The following FAAH2 variants were observed in gnomAD, a reference collection of about 807,000 sequenced individuals.
FAAH2 encodes fatty acid amide hydrolase 2.
Under a neutral mutation model 36.9 loss-of-function variants are expected in FAAH2, and 60 were observed. That is an observed-to-expected ratio of 1.63 (90% confidence interval 1.32 to 2.02). The LOEUF (loss-of-function observed/expected upper bound fraction) is 2.02, where lower values mean the gene tolerates loss of function less well. FAAH2 is among the 30% of genes most tolerant of loss of function. The pLI, the probability that FAAH2 is intolerant of heterozygous loss-of-function variation, is 0.00. For missense variants in FAAH2, 689 were observed against 397.5 expected, an observed-to-expected ratio of 1.73 and a Z score of -6.23; for synonymous variants, 214 against 143.8, an observed-to-expected ratio of 1.49 and a Z score of -3.49.
chrX:57,121,609 C>A, the FAAH2 span: 1 of 112,687 alleles, frequency 8.9e-6, no homozygotes, highest in Non-Finnish European at 1.9e-5. Context: ...GTCAAACACC[C>A]GGCTCTCCTC....
the FAAH2 span, among the ~76,000 whole-genome samples, chrX:57,254,205 A>T: frequency 8.9e-6 from 1 of 111,964 alleles, no homozygotes; most frequent in Non-Finnish European, 1.9e-5. Flanking sequence ...AAAGGGATCA[A>T]TTCAACAAGA....
chrX:57,164,205 A>G, the FAAH2 span, among the ~76,000 whole-genome samples: 1 of 112,353 alleles, frequency 8.9e-6, no homozygotes, highest in African/African-American at 3.2e-5. Flanking sequence ...TTAGGGACAT[A>G]CTGTGGGTAC....
At chrX:57,467,997 T>C (rs186110323) in intron 10 of FAAH2, among the ~76,000 whole-genome samples, 47 of 111,150 alleles carry the variant, frequency 4.2e-4, no homozygotes, top group African/African-American at 1.5e-3. Flanking sequence ...GGGTCTGGAG[T>C]GGACCTCCAG....
chrX:57,203,364 C>T, the FAAH2 span, among the ~76,000 whole-genome samples: 1 of 112,194 alleles, frequency 8.9e-6, no homozygotes, highest in East Asian at 2.8e-4. Context: ...AAGCAGTTTT[C>T]TGCCCTGGGT....
intron 2 of FAAH2, among the ~76,000 whole-genome samples, chrX:57,307,565 A>T (rs1178343270): frequency 8.9e-6 from 1 of 111,796 alleles, no homozygotes; most frequent in African/African-American, 3.2e-5. Context: ...ATTAATTTTC[A>T]TAGTACATAT....
chrX:57,157,096 C>T, the FAAH2 span, among the ~76,000 whole-genome samples: 1 of 111,825 alleles, frequency 8.9e-6, no homozygotes, highest in African/African-American at 3.3e-5. Flanking sequence ...CTTTATTTTA[C>T]TGTGGCTGAG....
At chrX:57,410,058 T>G (rs1259324315) in intron 7 of FAAH2, among the ~76,000 whole-genome samples, 1 of 111,227 alleles carries the variant, frequency 9.0e-6, no homozygotes, top group African/African-American at 3.3e-5. Flanking sequence ...ACTCATAATA[T>G]TTGGTGTGTT....
At chrX:57,392,364 GT>G (rs922304788) in intron 7 of FAAH2, among the ~76,000 whole-genome samples, 1 of 110,440 alleles carries the variant, frequency 9.1e-6, no homozygotes, top group Non-Finnish European at 1.9e-5. Context: ...TTCAGTTCTT[GT>G]TTTTTTTGTT....
At chrX:57,229,479 T>C in the FAAH2 span, 26 of 111,690 alleles carry the variant, frequency 2.3e-4, no homozygotes, top group African/African-American at 8.5e-4. Context: ...TCCACGTTGC[T>C]ATTCAGGGAT....
At chrX:57,367,884 A>G (rs954270215) in intron 5 of FAAH2, among the ~76,000 whole-genome samples, 1 of 111,922 alleles carries the variant, frequency 8.9e-6, no homozygotes, top group Admixed American at 9.5e-5. Flanking sequence ...TGTTAAAGAA[A>G]GAGCCCACAT....
intron 10 of FAAH2, among the ~76,000 whole-genome samples, chrX:57,459,488 A>T (rs186955489): frequency 8.9e-6 from 1 of 112,569 alleles, no homozygotes; most frequent in African/African-American, 3.2e-5. Context: ...ACAGTGGTCA[A>T]GCTCTGCTAA....
chrX:57,469,432 A>AC (rs1420765849), intron 10 of FAAH2, among the ~76,000 whole-genome samples: 1 of 111,719 alleles, frequency 9.0e-6, no homozygotes, highest in Non-Finnish European at 1.9e-5. Context: ...AAACAAAAAA[A>AC]GGCAGGGGTT....
At chrX:57,364,942 A>C (rs1464503144) in intron 5 of FAAH2, among the ~76,000 whole-genome samples, 1 of 111,241 alleles carries the variant, frequency 9.0e-6, no homozygotes, top group Non-Finnish European at 1.9e-5. Flanking sequence ...TATTTTTTAA[A>C]ATTAGTTTGG....
chrX:57,253,717 G>GT, the FAAH2 span, among the ~76,000 whole-genome samples: 1 of 111,403 alleles, frequency 9.0e-6, no homozygotes, highest in South Asian at 3.8e-4. Flanking sequence ...GAAACTAATG[G>GT]TGAGAGATTT....
intron 4 of FAAH2, among the ~76,000 whole-genome samples, chrX:57,336,492 C>A (rs1361176000): frequency 9.0e-6 from 1 of 111,350 alleles, no homozygotes; most frequent in Non-Finnish European, 1.9e-5. Flanking sequence ...ATGTCTACTT[C>A]TTTCTACGCA....
intron 7 of FAAH2, among the ~76,000 whole-genome samples, chrX:57,412,415 C>T (rs1287543108): frequency 1.8e-5 from 2 of 110,739 alleles, no homozygotes; most frequent in African/African-American, 3.3e-5. Flanking sequence ...ATGTTCCCCT[C>T]CCTGTGTTCA....
At chrX:57,324,183 C>T (rs1227968861) in intron 3 of FAAH2, among the ~76,000 whole-genome samples, 1 of 111,545 alleles carries the variant, frequency 9.0e-6, no homozygotes, top group East Asian at 2.8e-4. Context: ...GGGCTCTGTT[C>T]TGTTCCATTG....
At chrX:57,231,110 C>A in the FAAH2 span, among the ~76,000 whole-genome samples, 1 of 105,051 alleles carries the variant, frequency 9.5e-6, no homozygotes, top group Non-Finnish European at 1.9e-5. Flanking sequence ...CAGTAGAAAT[C>A]CGGGATTATC....
At chrX:57,474,202 A>T (rs961644583) in intron 10 of FAAH2, among the ~76,000 whole-genome samples, 7 of 111,443 alleles carry the variant, frequency 6.3e-5, no homozygotes, top group South Asian at 7.5e-4. Flanking sequence ...TGATTTTTTT[A>T]AAATTTTACA....
Sources: gnomAD v4.1 joint callset for allele counts (sites outside exome capture counted in the v4.1 genomes callset) on GRCh38, gnomAD v4.1.1 for gene constraint, MANE v1.5 for transcripts, NCBI Gene and HGNC (gene_info 2026-07-23, HGNC 2026-07-21) for gene names.